The following TENT2 variants were observed in gnomAD, a reference collection of about 807,000 sequenced individuals.
TENT2 encodes the protein terminal nucleotidyltransferase 2.
TENT2 carries 44 observed loss-of-function variants against 72.2 expected under a neutral mutation model. That is an observed-to-expected ratio of 0.61 (90% confidence interval 0.48 to 0.78). TENT2 has a LOEUF of 0.78. Among genes scored for constraint, TENT2 ranks in the 30% least tolerant of loss-of-function variants. TENT2 has a pLI of 0.00. For missense variants in TENT2, 541 were observed against 569.6 expected, an observed-to-expected ratio of 0.95 and a Z score of 0.51; for synonymous variants, 212 against 192.5, an observed-to-expected ratio of 1.10 and a Z score of -0.84.
chr5:79,620,835 A>G (rs1420962233), intron 3 of TENT2, among the ~76,000 whole-genome samples: 1 of 152,178 alleles, frequency 6.6e-6, no homozygotes, highest in Non-Finnish European at 1.5e-5. Flanking sequence ...TGATTTATCT[A>G]CATCTCACAC....
intron 10 of TENT2, among the ~76,000 whole-genome samples, chr5:79,650,979 A>G (rs548691543): frequency 1.4e-4 from 21 of 152,226 alleles, no homozygotes; most frequent in Non-Finnish European, 8.8e-5. Flanking sequence ...ATTATGTTTA[A>G]AATAATACTT....
chr5:79,645,055 A>C lies in TENT2; in HGVS notation c.752-68A>C, dbSNP rs79014958. 4,762 of 1,271,734 alleles carry C rather than the reference A, an allele frequency of 3.7e-3. 144 individuals are homozygous for C. In the African/African-American group the frequency reaches 0.063, roughly 17 times the overall value. 78.8% of individuals were successfully genotyped at this position (1,271,734 alleles called of 1,614,324 possible). A position where few individuals can be genotyped will look rare whatever the true frequency, so the allele number is the denominator to read the frequency against. ...GCTTAGTAAATACTATTTTTTAAAA[A>C]ATGTGCGTTGGAACACTGTGAATTC... On this transcript the variant is annotated intron_variant, in intron 7 of 14. Transcript: ENST00000453514.
At chr5:79,633,259 G>A (rs1777024015) in intron 4 of TENT2, among the ~76,000 whole-genome samples, 1 of 152,008 alleles carries the variant, frequency 6.6e-6, no homozygotes, top group Admixed American at 6.5e-5. Context: ...CTGAGAAATT[G>A]CCAGTTTTTA....
chr5:79,669,378 A>C (rs559972925), intron 12 of TENT2, among the ~76,000 whole-genome samples: 2 of 152,290 alleles, frequency 1.3e-5, no homozygotes, highest in South Asian at 4.1e-4. Flanking sequence ...AATGTATAGT[A>C]AAAAAACACT....
At chr5:79,633,639 C>G (rs1162530855) in intron 4 of TENT2, among the ~76,000 whole-genome samples, 1 of 150,764 alleles carries the variant, frequency 6.6e-6, no homozygotes, top group Non-Finnish European at 1.5e-5. Context: ...TGGTCTCGAA[C>G]TGCCAACCTC....
chr5:79,623,162 C>T (rs542246200), intron 3 of TENT2, 90 bp from the exon 4 acceptor site: 1 of 851,888 alleles, frequency 1.2e-6, no homozygotes, highest in East Asian at 2.7e-5. Context: ...TTGTCATTAT[C>T]TCTTATGATA....
At chr5:79,662,108 T>C (rs550866755) in intron 11 of TENT2, among the ~76,000 whole-genome samples, 1 of 152,350 alleles carries the variant, frequency 6.6e-6, no homozygotes, top group African/African-American at 2.4e-5. Context: ...AGATTCTGTC[T>C]CAAGAAACTA....
At chr5:79,678,544 A>G (rs1819118177) in intron 12 of TENT2, among the ~76,000 whole-genome samples, 1 of 152,230 alleles carries the variant, frequency 6.6e-6, no homozygotes, top group Non-Finnish European at 1.5e-5. Flanking sequence ...TAACTGTTAG[A>G]TAAACCTTTT....
In TENT2 at chr5:79,648,597, A is replaced by AT; in HGVS notation, c.822-17dup. On this transcript the variant is annotated intron_variant, in intron 8 of 14. Coordinates refer to ENST00000453514, the MANE Select transcript of TENT2 (RefSeq NM_001114394.3). ...TTCTTCAGCTAAAGTTTATTTATTTATTTATTTTTTCTTAAATAGTTGTGT... is the reference window on the plus strand; with the variant it reads ...TTCTTCAGCTAAAGTTTATTTATTTATTTTATTTTTTCTTAAATAGTTGTGT... 1 of 1,468,162 alleles carries AT rather than the reference A, an allele frequency of 6.8e-7. No homozygotes were observed. Among genetic ancestry groups the AT allele is most frequent in the Non-Finnish European group, 9.2e-7 (1 of 1,081,324 alleles). 90.9% of individuals were successfully genotyped at this position (1,468,162 alleles called of 1,614,324 possible).
chr5:79,640,676 A>G (rs1202974351), intron 4 of TENT2, among the ~76,000 whole-genome samples, 175 bp from the exon 5 acceptor site: 1 of 152,158 alleles, frequency 6.6e-6, no homozygotes, highest in Non-Finnish European at 1.5e-5. Flanking sequence ...GTGGTTTTTC[A>G]GACCATTCTC....
chr5:79,679,966 T>A (rs1449027423), intron 13 of TENT2, among the ~76,000 whole-genome samples: 3 of 152,202 alleles, frequency 2.0e-5, no homozygotes. Flanking sequence ...ATAGAATCTT[T>A]ATATGTGATT....
intron 14 of TENT2, among the ~76,000 whole-genome samples, chr5:79,682,333 G>A (rs1348597292): frequency 1.3e-5 from 2 of 152,088 alleles, no homozygotes; most frequent in African/African-American, 4.8e-5. Context: ...AGGCTGGAGT[G>A]TAGTGGCACA....
At chr5:79,627,384 C>T (rs575817159) in intron 4 of TENT2, among the ~76,000 whole-genome samples, 29 of 152,106 alleles carry the variant, frequency 1.9e-4, no homozygotes, top group Admixed American at 7.9e-4. Context: ...AGTTCTGTAT[C>T]GATAACATTT....
chr5:79,646,527 C>T (rs1045902434), intron 8 of TENT2, among the ~76,000 whole-genome samples: 4 of 152,138 alleles, frequency 2.6e-5, no homozygotes, highest in African/African-American at 9.7e-5. Context: ...ATGCCTGGCT[C>T]AAGCCATTCC....
intron 10 of TENT2, among the ~76,000 whole-genome samples, chr5:79,655,153 C>T (rs1797006896): frequency 6.6e-6 from 1 of 152,082 alleles, no homozygotes. Flanking sequence ...ATTTTAAAAA[C>T]TACTAAACTC....
Position 79,649,195 on chromosome 5 carries a change from G to A in TENT2, c.1027+5G>A. ...TGGTTTTGCACTATTTACAAAGTAA[G>A]TATAATGGGGTTTTACCCAATTTTT... On this transcript the variant is annotated splice_donor_5th_base_variant and intron_variant, in intron 10 of 14. Transcript: ENST00000453514. 1 of 1,610,446 alleles carries A rather than the reference G, an allele frequency of 6.2e-7. No homozygotes were observed. Among genetic ancestry groups the A allele is most frequent in the African/African-American group, 1.3e-5 (1 of 74,916 alleles).
chr5:79,638,610 A>T (rs964917704), intron 4 of TENT2, among the ~76,000 whole-genome samples: 2 of 152,110 alleles, frequency 1.3e-5, no homozygotes, highest in Non-Finnish European at 2.9e-5. Flanking sequence ...TGAGGGGGAG[A>T]AGGTATTACC....
intron 12 of TENT2, among the ~76,000 whole-genome samples, chr5:79,670,134 G>A (rs909924031): frequency 7.3e-5 from 11 of 151,336 alleles, no homozygotes; most frequent in Admixed American, 2.0e-4. Flanking sequence ...CAGGAGAAAC[G>A]CTTGAACCTG....
intron 9 of TENT2, 156 bp from the exon 10 acceptor site, chr5:79,648,906 G>T: frequency 1.1e-6 from 1 of 930,160 alleles, no homozygotes. Flanking sequence ...AGGTAACTAA[G>T]GTAAGTTTTA....
Sources: gnomAD v4.1 joint callset for allele counts (sites outside exome capture counted in the v4.1 genomes callset) on GRCh38, gnomAD v4.1.1 for gene constraint, MANE v1.5 for transcripts, NCBI Gene and HGNC (gene_info 2026-07-23, HGNC 2026-07-21) for gene names.